The following TRDN variants were observed in gnomAD, a reference collection of about 807,000 sequenced individuals.
TRDN encodes the protein triadin in skeletal muscle.
TRDN carries 161 observed loss-of-function variants against 149.7 expected under a neutral mutation model. The observed-to-expected ratio is 1.08, with a 90% CI of 0.95 to 1.23. TRDN has a LOEUF of 1.23. Among genes scored for constraint, TRDN ranks in the 50% most tolerant of loss-of-function variants. The pLI, the probability that TRDN is intolerant of heterozygous loss-of-function variation, is 0.00. For missense variants in TRDN, 896 were observed against 823.5 expected (o/e 1.09, Z -1.08); for synonymous variants, 294 against 250.5 (o/e 1.17, Z -1.64).
chr6:123,334,380 C>T (rs932831719), intron 22 of TRDN, among the ~76,000 whole-genome samples: 1 of 152,044 alleles, frequency 6.6e-6, no homozygotes, highest in African/African-American at 2.4e-5. Context: ...ATTTTGTTCT[C>T]AGAGGAGGAG....
chr6:123,359,372 A>T (rs911913267), intron 20 of TRDN, among the ~76,000 whole-genome samples: 19 of 152,202 alleles, frequency 1.2e-4, no homozygotes, highest in Non-Finnish European at 5.9e-5. Flanking sequence ...TGCCATTTTA[A>T]CAAGCTTGGA....
intron 38 of TRDN, among the ~76,000 whole-genome samples, chr6:123,243,699 T>TG (rs1776071686): frequency 6.6e-6 from 1 of 151,842 alleles, no homozygotes; most frequent in African/African-American, 2.4e-5. Flanking sequence ...AAAAATCAAG[T>TG]AAAAGAAAGA....
At chr6:123,513,159 C>T (rs1330298415) in intron 6 of TRDN, among the ~76,000 whole-genome samples, 1 of 152,086 alleles carries the variant, frequency 6.6e-6, no homozygotes, top group Non-Finnish European at 1.5e-5. Flanking sequence ...GCCTCTCCAC[C>T]ACTCAGGCCT....
intron 4 of TRDN, among the ~76,000 whole-genome samples, chr6:123,538,420 T>C (rs908153371): frequency 1.3e-5 from 2 of 152,154 alleles, no homozygotes; most frequent in Admixed American, 6.5e-5. Flanking sequence ...TTCCAGATTA[T>C]CCGTAAATAT....
intron 36 of TRDN, 34 bp downstream of exon 36, chr6:123,255,833 T>G: frequency 7.7e-7 from 1 of 1,301,700 alleles, no homozygotes. Flanking sequence ...CTTCAGGGCT[T>G]TGCATTCTAT....
chr6:123,293,373 C>T (rs928919453), intron 24 of TRDN, among the ~76,000 whole-genome samples: 4 of 152,128 alleles, frequency 2.6e-5, no homozygotes, highest in Non-Finnish European at 4.4e-5. Context: ...TTATCATTTG[C>T]ACCCACTGTT....
intron 35 of TRDN, among the ~76,000 whole-genome samples, chr6:123,257,682 G>C (rs1355480169): frequency 2.0e-5 from 3 of 148,538 alleles, no homozygotes; most frequent in Non-Finnish European, 4.6e-5. Context: ...CTGTGAATTA[G>C]TAGCTTTATG....
At chr6:123,360,759 G>A (rs968440486) in intron 20 of TRDN, among the ~76,000 whole-genome samples, 3 of 151,484 alleles carry the variant, frequency 2.0e-5, no homozygotes, top group Non-Finnish European at 4.4e-5. Context: ...GAGAGAGAGA[G>A]GTGTAAATCA....
intron 24 of TRDN, among the ~76,000 whole-genome samples, chr6:123,288,168 C>T (rs1037881767): frequency 6.6e-6 from 1 of 151,924 alleles, no homozygotes; most frequent in African/African-American, 2.4e-5. Flanking sequence ...ATAAACAGTG[C>T]CAGGAAAACT....
intron 40 of TRDN, among the ~76,000 whole-genome samples, chr6:123,220,503 T>C (rs552811408): frequency 6.6e-6 from 1 of 151,932 alleles, no homozygotes; most frequent in East Asian, 1.9e-4. Context: ...TTTTGTAATA[T>C]TACTCAAAGT....
intron 20 of TRDN, among the ~76,000 whole-genome samples, chr6:123,354,293 T>C (rs1465452184): frequency 6.6e-6 from 1 of 151,866 alleles, no homozygotes; most frequent in African/African-American, 2.4e-5. Flanking sequence ...TTATTCTTTT[T>C]GTTAAAAATG....
chr6:123,578,087 G>C (rs1367006297), intron 1 of TRDN, among the ~76,000 whole-genome samples: 4 of 152,146 alleles, frequency 2.6e-5, no homozygotes, highest in African/African-American at 9.6e-5. Context: ...TATGTTGTCT[G>C]TTCATTCTGG....
intron 1 of TRDN, among the ~76,000 whole-genome samples, chr6:123,585,687 G>A (rs1385165017): frequency 6.6e-6 from 1 of 152,134 alleles, no homozygotes; most frequent in Admixed American, 6.5e-5. Flanking sequence ...GATGGGACGT[G>A]GCTTAGGAGG....
At chr6:123,278,285 A>C in intron 26 of TRDN, 33 bp downstream of exon 26, 1 of 1,243,066 alleles carries the variant, frequency 8.0e-7, no homozygotes, top group South Asian at 1.5e-5. Flanking sequence ...TAAACATGGA[A>C]ATCATATATG....
At chr6:123,531,802 C>A (rs1409435999) in intron 4 of TRDN, among the ~76,000 whole-genome samples, 1 of 152,076 alleles carries the variant, frequency 6.6e-6, no homozygotes, top group East Asian at 1.9e-4. Flanking sequence ...AAATTTTACT[C>A]TACAGCAGGG....
intron 12 of TRDN, among the ~76,000 whole-genome samples, chr6:123,410,323 A>G (rs867035462): frequency 6.6e-6 from 1 of 152,178 alleles, no homozygotes. Flanking sequence ...CACATAAAGT[A>G]AAACAGAACA....
intron 5 of TRDN, among the ~76,000 whole-genome samples, chr6:123,527,871 T>TA (rs1349352112): frequency 9.9e-5 from 15 of 151,666 alleles, no homozygotes; most frequent in Admixed American, 9.2e-4. Flanking sequence ...ATTTATAAAA[T>TA]AAAATAAATT....
chr6:123,584,613 G>A (rs1783340394), intron 1 of TRDN, among the ~76,000 whole-genome samples: 1 of 152,112 alleles, frequency 6.6e-6, no homozygotes, highest in South Asian at 2.1e-4. Context: ...AACAGATGAG[G>A]ATGAAATTTG....
At chr6:123,482,138 A>G (rs1777777362) in intron 9 of TRDN, among the ~76,000 whole-genome samples, 1 of 152,204 alleles carries the variant, frequency 6.6e-6, no homozygotes, top group Non-Finnish European at 1.5e-5. Context: ...AAGAAATTCA[A>G]AGAGACATGA....
Sources: allele counts gnomAD v4.1 joint callset (sites outside exome capture counted in the v4.1 genomes callset), GRCh38; gene constraint gnomAD v4.1.1; transcripts MANE v1.5; gene names NCBI Gene and HGNC (gene_info 2026-07-23, HGNC 2026-07-21).